DNAAF4: variants seen among roughly 807,000 people sequenced by gnomAD.
DNAAF4 encodes the protein dynein assembly factor 4, axonemal.
A neutral mutation model predicts 51.8 loss-of-function variants in DNAAF4; 43 were observed. The observed-to-expected ratio is 0.83, with a 90% CI of 0.65 to 1.07. The LOEUF (loss-of-function observed/expected upper bound fraction) is 1.07. Among genes scored for constraint, DNAAF4 ranks in the 50% least tolerant of loss-of-function variants. The probability of loss-of-function intolerance (pLI) is 0.00; values close to 1 mark genes in which losing one functional copy is unlikely to be tolerated. For synonymous variants in DNAAF4, 194 were observed against 165.6 expected, an observed-to-expected ratio of 1.17 and a Z score of -1.32; for missense variants, 581 against 493.0, an observed-to-expected ratio of 1.18 and a Z score of -1.69.
intron 8 of DNAAF4, 61 bp from the exon 9 acceptor site, chr15:55,432,663 A>G: frequency 1.4e-6 from 2 of 1,467,544 alleles, no homozygotes; most frequent in East Asian, 2.5e-5. Context: ...AACAAGCAAA[A>G]GGCTGGGCAT....
intron 5 of DNAAF4, among the ~76,000 whole-genome samples, chr15:55,465,212 C>T (rs370189775): frequency 2.6e-5 from 4 of 152,022 alleles, no homozygotes; most frequent in East Asian, 1.9e-4. Flanking sequence ...CCTTAAAGAA[C>T]GAAAAGTAGA....
rs552505613 is a variant in DNAAF4 at position 55,456,310 on chromosome 15, G to A, written c.638-5943C>T. Among the ~76,000 whole-genome samples, 6 of 152,080 alleles carry A rather than the reference G, an allele frequency of 3.9e-5. No individual in the cohort carries two copies. The South Asian group carries it at 1.0e-3, about 26-fold the overall frequency. On this transcript the variant is annotated intron_variant, in intron 5 of 9. Coordinates refer to ENST00000321149, the MANE Select transcript of DNAAF4 (RefSeq NM_130810.4). ...TTGGTCAGGCTAGTCTTGAACACCC[G>A]ACTTCAGGTGATCTGCCCGCCTCAG... is the stretch of plus-strand genomic sequence containing the variant.
chr15:55,451,292 G>A (rs527293874), intron 5 of DNAAF4, among the ~76,000 whole-genome samples: 6 of 152,300 alleles, frequency 3.9e-5, no homozygotes, highest in Middle Eastern at 3.4e-3. Flanking sequence ...TTACATTAAA[G>A]AGAACTAAAT....
intron 5 of DNAAF4, among the ~76,000 whole-genome samples, chr15:55,466,315 T>G (rs2927575): frequency 0.75 from 113,752 of 152,000 alleles, 43,273 homozygotes; most frequent in East Asian, 0.93. Flanking sequence ...TAGTCCCAGC[T>G]ACTTGGGAGG....
In DNAAF4 at chr15:55,439,497, G is replaced by A. The variant is rs745751273; in HGVS notation, c.868C>T (p.Pro290Ser). Residue 290 changes from proline to serine, a missense_variant, in exon 7 of 10, where the codon CCA becomes TCA. Pro to Ser is a moderately conservative substitution (Grantham distance 74, BLOSUM62 -1). Transcript: ENST00000321149. ...LCDLKEEEKN[P>S]EWLKDKGNKL... ...TTTCCTTTATCCTTCAACCATTCTGGGTTCTTTTCTTCTTCTTTTAAATCG... is the reference window on the plus strand; with the variant it reads ...TTTCCTTTATCCTTCAACCATTCTGAGTTCTTTTCTTCTTCTTTTAAATCG... 1.7e-5 allele frequency: 28 copies of A among 1,613,806 alleles called. No homozygotes were observed. In the Admixed American group the frequency reaches 4.7e-4, roughly 27 times the overall value.
At chr15:55,425,820 T>C (rs937669325), downstream of DNAAF4, among the ~76,000 whole-genome samples, 3 of 152,160 alleles carry the variant, frequency 2.0e-5, no homozygotes, top group Non-Finnish European at 4.4e-5. Flanking sequence ...TTAAATAAAA[T>C]GTATGGAAGG....
At chr15:55,473,035 G>A (rs1003995970) in intron 4 of DNAAF4, among the ~76,000 whole-genome samples, 17 of 149,912 alleles carry the variant, frequency 1.1e-4, no homozygotes, top group African/African-American at 1.7e-4. Flanking sequence ...GTGTGGTAGC[G>A]CACACCTGTA....
intron 7 of DNAAF4, among the ~76,000 whole-genome samples, chr15:55,436,401 T>G (rs1222381133): frequency 6.6e-6 from 1 of 152,146 alleles, no homozygotes; most frequent in Non-Finnish European, 1.5e-5. Flanking sequence ...ATTATTATTT[T>G]TTTGAGCAGT....
chr15:55,466,400 G>A (rs536412388), intron 5 of DNAAF4, among the ~76,000 whole-genome samples: 1 of 152,204 alleles, frequency 6.6e-6, no homozygotes, highest in South Asian at 2.1e-4. Flanking sequence ...CTCCAGCCTG[G>A]GCGATAGGGC....
At chr15:55,499,061 G>C (rs927610176) in intron 1 of DNAAF4, among the ~76,000 whole-genome samples, 1 of 152,172 alleles carries the variant, frequency 6.6e-6, no homozygotes, top group East Asian at 1.9e-4. Context: ...CCTTGGTGCA[G>C]TGTCTTGTCT....
Position 55,434,921 on chromosome 15 carries a change from A to G in DNAAF4, c.1031T>C (p.Ile344Thr), listed in dbSNP as rs759003886. 1.9e-5 allele frequency: 31 copies of G among 1,609,794 alleles called. 1 individual carries two copies. The South Asian group carries it at 2.6e-4, about 13-fold the overall frequency. ...TATCCATACCTTAGAAGAATCTTCA[A>G]TAGCCTTGTGTAAGTTTTTTAGTTT... ...HLKLKNLHKA[I>T]EDSSKALELL... The change falls in exon 8 of 10, where the codon ATT becomes ACT. Residue 344 changes from isoleucine (I) to threonine (T), a missense_variant. Ile to Thr is a moderately conservative substitution (Grantham distance 89, BLOSUM62 -1). Transcript: ENST00000321149.
chr15:55,484,346 G>A (rs558744440), intron 4 of DNAAF4, among the ~76,000 whole-genome samples: 106 of 152,044 alleles, frequency 7.0e-4, no homozygotes, highest in African/African-American at 2.4e-3. Context: ...TTAGCCAGGC[G>A]TGGTGGTGAG....
chr15:55,497,102 T>G (rs1219833198), intron 3 of DNAAF4, among the ~76,000 whole-genome samples: 1 of 152,202 alleles, frequency 6.6e-6, no homozygotes, highest in African/African-American at 2.4e-5. Flanking sequence ...CTAAGCGGCC[T>G]ACATCCCCTC....
intron 1 of DNAAF4, among the ~76,000 whole-genome samples, chr15:55,506,791 A>G (rs904082252): frequency 6.6e-6 from 1 of 152,210 alleles, no homozygotes; most frequent in African/African-American, 2.4e-5. Context: ...GAGTGAAAAA[A>G]GCAAGTCAAA....
intron 5 of DNAAF4, among the ~76,000 whole-genome samples, chr15:55,456,591 G>T (rs529309995): frequency 6.6e-6 from 1 of 152,174 alleles, no homozygotes; most frequent in African/African-American, 2.4e-5. Context: ...CAGGAACACC[G>T]CAAGAAACAC....
At chr15:55,425,986 T>C (rs1242475828), downstream of DNAAF4, among the ~76,000 whole-genome samples, 1 of 152,180 alleles carries the variant, frequency 6.6e-6, no homozygotes, top group Non-Finnish European at 1.5e-5. Context: ...CAGCGTTTTA[T>C]TACTAATCAA....
At chr15:55,496,112 C>T (rs1424762004) in intron 3 of DNAAF4, among the ~76,000 whole-genome samples, 2 of 152,132 alleles carry the variant, frequency 1.3e-5, no homozygotes, top group African/African-American at 2.4e-5. Context: ...TGCCTGTAGT[C>T]CCAGCTACTT....
At chr15:55,499,642 G>C (rs1448923037) in intron 1 of DNAAF4, among the ~76,000 whole-genome samples, 1 of 152,102 alleles carries the variant, frequency 6.6e-6, no homozygotes, top group Non-Finnish European at 1.5e-5. Flanking sequence ...CACCTATATA[G>C]GTTTTGCTCC....
chr15:55,448,591 C>G (rs970801811), intron 6 of DNAAF4, among the ~76,000 whole-genome samples: 1 of 149,076 alleles, frequency 6.7e-6, no homozygotes, highest in Non-Finnish European at 1.5e-5. Flanking sequence ...TTCTATGGGC[C>G]GGGCGCAGTG....
Sources: allele counts gnomAD v4.1 joint callset (sites outside exome capture counted in the v4.1 genomes callset), GRCh38; gene constraint gnomAD v4.1.1; transcripts MANE v1.5; gene names NCBI Gene and HGNC (gene_info 2026-07-23, HGNC 2026-07-21).